TARS3: variants seen among roughly 807,000 people sequenced by gnomAD.
TARS3 encodes threonyl-tRNA synthetase 3.
TARS3 carries 94 observed loss-of-function variants against 103.5 expected under a neutral mutation model. The ratio of observed to expected loss-of-function variants is 0.91; its 90% CI spans 0.77 to 1.08. TARS3 has a LOEUF of 1.08. Among genes scored for constraint, TARS3 ranks in the 50% least tolerant of loss-of-function variants. The pLI, the probability that TARS3 is intolerant of heterozygous loss-of-function variation, is 0.00. For missense variants in TARS3, 952 were observed against 995.2 expected, an observed-to-expected ratio of 0.96 and a Z score of 0.58; for synonymous variants, 416 against 355.4, an observed-to-expected ratio of 1.17 and a Z score of -1.92.
Position 101,679,833 on chromosome 15 carries a change from C to G in TARS3, c.1651-4096G>C, listed in dbSNP as rs1356085323. Among the ~76,000 whole-genome samples, 4 of 152,170 alleles carry G rather than the reference C, an allele frequency of 2.6e-5. No individual in the cohort carries two copies. The South Asian group carries it at 6.2e-4, about 24-fold the overall frequency. Reference sequence around the variant, plus strand: ...TTACTGGCAAGTGGGAAAAGCAGTCCAAGCTCCTTTTAGAAAGGAAGTAAG... The same window carrying G: ...TTACTGGCAAGTGGGAAAAGCAGTCGAAGCTCCTTTTAGAAAGGAAGTAAG... On this transcript the variant is annotated intron_variant, in intron 12 of 18. Coordinates refer to ENST00000335968, the MANE Select transcript of TARS3 (RefSeq NM_152334.3).
At chr15:101,723,242 G>A (rs1900581519) in intron 1 of TARS3, 78 bp from the exon 2 acceptor site, 1 of 1,322,776 alleles carries the variant, frequency 7.6e-7, no homozygotes, top group South Asian at 1.2e-5. Flanking sequence ...CATGCCAGCA[G>A]GCTGCAAGTG....
At chr15:101,719,648 T>C (rs1342982514) in intron 3 of TARS3, among the ~76,000 whole-genome samples, 1 of 152,234 alleles carries the variant, frequency 6.6e-6, no homozygotes. Flanking sequence ...CCAGCCACTA[T>C]GGGGTCTTGG....
At chr15:101,709,469 G>C (rs1210397612) in intron 5 of TARS3, among the ~76,000 whole-genome samples, 2 of 152,162 alleles carry the variant, frequency 1.3e-5, no homozygotes, top group Admixed American at 1.3e-4. Context: ...CACCAGGACA[G>C]TCCCACAGAG....
rs1044064524 is a variant in TARS3 at position 101,654,428 on chromosome 15, A to T, written c.*154T>A. 5.3e-6 allele frequency: 4 copies of T among 761,058 alleles called. No homozygotes were observed. Among genetic ancestry groups the T allele is most frequent in the Non-Finnish European group, 8.0e-6 (4 of 499,664 alleles). 47.1% of individuals were successfully genotyped at this position (761,058 alleles called of 1,614,324 possible). On this transcript the variant is annotated 3_prime_UTR_variant, in exon 19 of 19. Coordinates refer to ENST00000335968, the MANE Select transcript of TARS3 (RefSeq NM_152334.3). ...GACATGAGTAAATTAAACTTCGTGC[A>T]TGTCAGCTACACGTTCATCGTCTCC...
intron 3 of TARS3, among the ~76,000 whole-genome samples, chr15:101,716,734 T>C (rs887151905): frequency 5.3e-5 from 8 of 152,196 alleles, no homozygotes; most frequent in Non-Finnish European, 1.2e-4. Flanking sequence ...GGAAATGCAT[T>C]TTCAGTGATT....
At chr15:101,666,163 T>C (rs1455425370) in intron 15 of TARS3, among the ~76,000 whole-genome samples, 2 of 152,156 alleles carry the variant, frequency 1.3e-5, no homozygotes, top group African/African-American at 2.4e-5. Context: ...AACACAAAAA[T>C]GGATGTCTCT....
rs758099654 is a variant in TARS3, at chr15:101,671,583, C to T, written c.1870G>A (p.Asp624Asn). ...GDGAFYGPKIDIKIKDAIGRY... is the reference protein window; with the variant it reads ...GDGAFYGPKINIKIKDAIGRY... The stretch of plus-strand genomic sequence containing the variant: ...CCAATAGCATCCTTGATTTTTATGT[C>T]AATCTACAAATTAAATAATGTTTGC... Residue 624 changes from aspartate to asparagine, a missense_variant, in exon 15 of 19, where the codon GAC (aspartate) becomes AAC (asparagine). This residue lies in a region of TARS3 where 540 missense variants were observed against 631.0 expected (regional missense o/e 0.86). Transcript: ENST00000335968. The T allele has an allele frequency of 9.9e-6, 16 of 1,610,456 alleles. No individual in the cohort carries two copies. The highest frequency in any genetic ancestry group is 1.7e-4 in the Middle Eastern group (1 of 6,034).
Position 101,721,109 on chromosome 15 carries a change from TCCACACTGCGGTTTACCTAATTTCAGCAG to T in TARS3, c.554_566+16del, listed in dbSNP as rs779994035. On this transcript the variant is annotated splice_donor_variant and splice_donor_5th_base_variant and coding_sequence_variant and intron_variant, in exon 3 of 19. Transcript: ENST00000335968. LOFTEE classifies it high-confidence loss of function. ...TAATTACTTAAGATTGAATATCTTTTCCACACTGCGGTTTACCTAATTTCAGCAGCCACTTGGTAAGGCGTTGTTTTCCA... is the reference window on the plus strand; with the variant it reads ...TAATTACTTAAGATTGAATATCTTTTCCACTTGGTAAGGCGTTGTTTTCCA... 1 of 1,579,998 alleles carries T rather than the reference TCCACACTGCGGTTTACCTAATTTCAGCAG, an allele frequency of 6.3e-7. No individual in the cohort carries two copies. Among genetic ancestry groups the T allele is most frequent in the Admixed American group, 1.7e-5 (1 of 58,458 alleles).
rs139968719 is a variant in TARS3 at position 101,698,763 on chromosome 15, A to C, written c.1320+2323T>G. 3.3e-3 allele frequency among the ~76,000 whole-genome samples: 498 copies of C among 152,354 alleles called. 2 individuals are homozygous for C. Among genetic ancestry groups the C allele is most frequent in the African/African-American group, 0.011 (440 of 41,580 alleles). ...ACTGCACCCGAGGAGCCTCATCTGC[A>C]GCTAGGCCTGATTCAGAAGATGTCC... On this transcript the variant is annotated intron_variant, in intron 10 of 18. Coordinates refer to ENST00000335968, the MANE Select transcript of TARS3 (RefSeq NM_152334.3).
chr15:101,670,868 C>T (rs1205014473), intron 15 of TARS3, among the ~76,000 whole-genome samples: 1 of 152,132 alleles, frequency 6.6e-6, no homozygotes, highest in Non-Finnish European at 1.5e-5. Context: ...CACTGTGCTA[C>T]GTGAAAGAAG....
chr15:101,660,899 G>A (rs1024149541), intron 16 of TARS3, among the ~76,000 whole-genome samples: 3 of 152,196 alleles, frequency 2.0e-5, no homozygotes, highest in African/African-American at 7.2e-5. Context: ...TCAACAGCGG[G>A]GGCCTTTTGG....
At chr15:101,690,150 C>T (rs1333021592) in intron 10 of TARS3, among the ~76,000 whole-genome samples, 2 of 152,292 alleles carry the variant, frequency 1.3e-5, no homozygotes, top group East Asian at 1.9e-4. Flanking sequence ...TGCTGAGAGG[C>T]ACAGGGGGTG....
intron 10 of TARS3, among the ~76,000 whole-genome samples, chr15:101,686,865 C>T (rs1567337376): frequency 6.7e-6 from 1 of 150,068 alleles, no homozygotes; most frequent in African/African-American, 2.5e-5. Context: ...TTGTAAACCA[C>T]TTAATGGACA....
At chr15:101,681,836 T>C (rs888534377) in intron 12 of TARS3, among the ~76,000 whole-genome samples, 1 of 152,190 alleles carries the variant, frequency 6.6e-6, no homozygotes, top group Non-Finnish European at 1.5e-5. Context: ...CATATAAATT[T>C]TGGGAGTCAC....
Position 101,701,785 on chromosome 15 carries a change from T to C in TARS3, c.1221+454A>G, listed in dbSNP as rs548021304. Among the ~76,000 whole-genome samples, 5 of 152,094 alleles carry C rather than the reference T, an allele frequency of 3.3e-5. No homozygotes were observed. The East Asian group carries it at 7.7e-4, about 24-fold the overall frequency. ...GCACAGAATGTAAAAAACAACTCTT[T>C]TTTTTTTTGAGACTGAGTCTCACTC... On this transcript the variant is annotated intron_variant, in intron 9 of 18. Transcript: ENST00000335968.
chr15:101,702,438 A>C, intron 8 of TARS3, 53 bp from the exon 9 acceptor site: 1 of 1,450,208 alleles, frequency 6.9e-7, no homozygotes, highest in Non-Finnish European at 9.7e-7. Context: ...GTTGTAAGTA[A>C]AACTGCTCTT....
intron 10 of TARS3, chr15:101,699,197 A>G (rs1178912819): frequency 3.8e-6 from 1 of 263,254 alleles, no homozygotes; most frequent in East Asian, 1.2e-4. Context: ...TGAGTTCTCC[A>G]AAAGGTTTTT....
chr15:101,693,342 G>A (rs1187326829), intron 10 of TARS3, among the ~76,000 whole-genome samples: 1 of 152,122 alleles, frequency 6.6e-6, no homozygotes, highest in Non-Finnish European at 1.5e-5. Context: ...AAGGGACTTT[G>A]TGCGGGGGAA....
intron 10 of TARS3, among the ~76,000 whole-genome samples, chr15:101,690,061 C>G (rs191117710): frequency 6.6e-6 from 1 of 152,248 alleles, no homozygotes; most frequent in African/African-American, 2.4e-5. Flanking sequence ...GACATCACCA[C>G]ATGATGACAC....
Sources: gnomAD v4.1 joint callset for allele counts (sites outside exome capture counted in the v4.1 genomes callset) on GRCh38, gnomAD v4.1.1 for gene constraint, gnomAD v4.1.1 regional missense constraint, MANE v1.5 for transcripts, NCBI Gene and HGNC (gene_info 2026-07-23, HGNC 2026-07-21) for gene names.